TNNI3K: variants seen among roughly 807,000 people sequenced by gnomAD.
TNNI3K encodes serine/threonine-protein kinase TNNI3K.
Under a neutral mutation model 114.5 loss-of-function variants are expected in TNNI3K, and 140 were observed. The ratio of observed to expected loss-of-function variants is 1.22; its 90% confidence interval spans 1.07 to 1.41. The LOEUF is 1.41. Among genes scored for constraint, TNNI3K ranks in the 40% most tolerant of loss-of-function variants. TNNI3K has a pLI of 0.00. For missense variants in TNNI3K, 1,125 were observed against 1,007.6 expected, an observed-to-expected ratio of 1.12 and a Z score of -1.58; for synonymous variants, 347 against 347.5, an observed-to-expected ratio of 1.00 and a Z score of 0.02.
chr1:74,444,333 G>A (rs1666529434), intron 20 of TNNI3K, among the ~76,000 whole-genome samples: 1 of 152,064 alleles, frequency 6.6e-6, no homozygotes, highest in Non-Finnish European at 1.5e-5. Flanking sequence ...TGTCAGTAAA[G>A]TCTCAGGATA....
At chr1:74,298,212 T>C (rs1184129093) in intron 5 of TNNI3K, among the ~76,000 whole-genome samples, 4 of 152,170 alleles carry the variant, frequency 2.6e-5, no homozygotes, top group Non-Finnish European at 5.9e-5. Flanking sequence ...AGAGTAGGCA[T>C]AGATATACTT....
intron 9 of TNNI3K, among the ~76,000 whole-genome samples, chr1:74,350,450 T>C (rs924705701): frequency 6.6e-6 from 1 of 152,194 alleles, no homozygotes; most frequent in African/African-American, 2.4e-5. Context: ...TTCTGTTGAT[T>C]TGGGGTGGAG....
intron 7 of TNNI3K, among the ~76,000 whole-genome samples, chr1:74,338,456 A>G (rs535530276): frequency 6.6e-6 from 1 of 152,066 alleles, no homozygotes; most frequent in Non-Finnish European, 1.5e-5. Flanking sequence ...ATTCACTCAG[A>G]GTTGCGTCTT....
At chr1:74,350,683 G>T (rs980277246) in intron 9 of TNNI3K, among the ~76,000 whole-genome samples, 14 of 151,980 alleles carry the variant, frequency 9.2e-5, no homozygotes, top group Non-Finnish European at 1.9e-4. Context: ...AGGATAGTTA[G>T]TTCTTCTTGT....
intron 21 of TNNI3K, chr1:74,472,199 T>C: frequency 1.4e-6 from 1 of 716,736 alleles, no homozygotes; most frequent in South Asian, 1.5e-5. Flanking sequence ...TCACTGCTGA[T>C]ATCTGTGGAA....
At chr1:74,330,192 GTA>G (rs1660123182) in intron 5 of TNNI3K, among the ~76,000 whole-genome samples, 1 of 152,016 alleles carries the variant, frequency 6.6e-6, no homozygotes, top group Non-Finnish European at 1.5e-5. Flanking sequence ...CTACTTTGGC[GTA>G]TTGATTATTT....
At position 74,301,261 on chromosome 1, in the gene TNNI3K, G is replaced by A. The variant is rs45446293; in HGVS notation, c.444+29553G>A. On this transcript the variant is annotated intron_variant, in intron 5 of 24. Coordinates refer to ENST00000326637, the MANE Select transcript of TNNI3K (RefSeq NM_015978.3). ...CTAAAAATACAAAACTTAGCCAGGCGTGGTGGTGCACGCCAATAGTCCCAG... is the reference window on the plus strand; with the variant it reads ...CTAAAAATACAAAACTTAGCCAGGCATGGTGGTGCACGCCAATAGTCCCAG... 4.2e-3 allele frequency among the ~76,000 whole-genome samples: 640 copies of A among 152,054 alleles called. 6 individuals are homozygous for A. The highest frequency in any genetic ancestry group is 0.015 in the African/African-American group (604 of 41,494).
chr1:74,477,553 A>C (rs1668266224), intron 21 of TNNI3K, among the ~76,000 whole-genome samples: 1 of 152,194 alleles, frequency 6.6e-6, no homozygotes, highest in Non-Finnish European at 1.5e-5. Context: ...TGAAGGAACA[A>C]AAGGGCTAAG....
At chr1:74,341,193 T>G (rs984469460) in intron 7 of TNNI3K, among the ~76,000 whole-genome samples, 9 of 152,212 alleles carry the variant, frequency 5.9e-5, no homozygotes, top group African/African-American at 2.2e-4. Flanking sequence ...TGATGTTCAG[T>G]TGTTTTTACT....
At chr1:74,374,132 T>C (rs1486665083) in intron 17 of TNNI3K, 2 of 151,892 alleles carry the variant, frequency 1.3e-5, no homozygotes, top group South Asian at 4.1e-4. Flanking sequence ...AGTCTATACA[T>C]CTTCAGTACA....
chr1:74,522,305 A>T (rs940835401), intron 23 of TNNI3K, among the ~76,000 whole-genome samples: 1 of 152,126 alleles, frequency 6.6e-6, no homozygotes, highest in Non-Finnish European at 1.5e-5. Context: ...AATCCAAAGG[A>T]TGCAGCTGCC....
chr1:74,480,540 C>T (rs1303455505), intron 21 of TNNI3K: 1 of 717,268 alleles, frequency 1.4e-6, no homozygotes, highest in African/African-American at 1.7e-5. Context: ...GCATCTTTCC[C>T]AATGTAGGAA....
Position 74,369,274 on chromosome 1 carries a change from C to A in TNNI3K, c.1472+10C>A. 1 of 1,611,346 alleles carries A rather than the reference C, an allele frequency of 6.2e-7. No individual in the cohort carries two copies. The highest frequency in any genetic ancestry group is 2.2e-5 in the East Asian group (1 of 44,790). ...TAGTGGCTATAAAACGGTAAGCAAG[C>A]AAATGAAAAAATTTAACATCCAGGT... On this transcript the variant is annotated intron_variant, in intron 15 of 24. Coordinates refer to ENST00000326637, the MANE Select transcript of TNNI3K (RefSeq NM_015978.3).
intron 23 of TNNI3K, among the ~76,000 whole-genome samples, chr1:74,502,159 G>C (rs1195994620): frequency 1.3e-5 from 2 of 152,068 alleles, no homozygotes; most frequent in Admixed American, 6.6e-5. Context: ...TATTTACTTG[G>C]AGTGATAATC....
chr1:74,439,359 A>G, intron 19 of TNNI3K, 131 bp from the exon 20 acceptor site: 1 of 1,405,482 alleles, frequency 7.1e-7, no homozygotes, highest in Non-Finnish European at 9.5e-7. Context: ...ATATGTATGG[A>G]TGTTAATTTA....
intron 5 of TNNI3K, among the ~76,000 whole-genome samples, chr1:74,308,730 G>C (rs1658799186): frequency 6.6e-6 from 1 of 151,914 alleles, no homozygotes; most frequent in South Asian, 2.1e-4. Flanking sequence ...GCTTTTGAAA[G>C]GATAAACAAG....
At chr1:74,454,318 T>G (rs1361336379) in intron 20 of TNNI3K, among the ~76,000 whole-genome samples, 3 of 152,158 alleles carry the variant, frequency 2.0e-5, no homozygotes, top group African/African-American at 4.8e-5. Context: ...CTTATTCATT[T>G]TATCTAACTG....
intron 4 of TNNI3K, among the ~76,000 whole-genome samples, chr1:74,253,460 C>A (rs564144): frequency 0.67 from 101,726 of 152,004 alleles, 34,878 homozygotes; most frequent in East Asian, 0.82. Flanking sequence ...TCAGGCATGG[C>A]GGGCTGCAGG....
chr1:74,271,218 AC>A (rs1570400163), intron 4 of TNNI3K, among the ~76,000 whole-genome samples: 2 of 151,948 alleles, frequency 1.3e-5, no homozygotes, highest in East Asian at 3.9e-4. Context: ...AAAAAAATAA[AC>A]CTTTAAACTG....
Sources: allele counts gnomAD v4.1 joint callset (sites outside exome capture counted in the v4.1 genomes callset), GRCh38; gene constraint gnomAD v4.1.1; transcripts MANE v1.5; gene names NCBI Gene and HGNC (gene_info 2026-07-23, HGNC 2026-07-21).